ZFHX3: variants seen among roughly 807,000 people sequenced by gnomAD.
ZFHX3 encodes the protein zinc finger homeobox 3.
A neutral mutation model predicts 279.1 loss-of-function variants in ZFHX3; 42 were observed. The observed-to-expected ratio is 0.15, with a 90% CI of 0.12 to 0.19. The LOEUF is 0.19. Ranked by LOEUF, ZFHX3 falls within the 10% of genes least tolerant of loss-of-function variation. The probability of loss-of-function intolerance (pLI) is 1.00; values close to 1 mark genes in which losing one functional copy is unlikely to be tolerated. For missense variants in ZFHX3, 4,981 were observed against 4,754.0 expected (o/e 1.05, Z -1.40); for synonymous variants, 2,293 against 1,957.8 (o/e 1.17, Z -4.52).
At chr16:72,940,108 G>T (rs1482990967) in intron 3 of ZFHX3, among the ~76,000 whole-genome samples, 1 of 151,556 alleles carries the variant, frequency 6.6e-6, no homozygotes, top group Non-Finnish European at 1.5e-5. Context: ...GACAGGGTCT[G>T]TTTATGTTGC....
chr16:73,064,533 C>T (rs1965722912), upstream of ZFHX3, among the ~76,000 whole-genome samples: 1 of 151,672 alleles, frequency 6.6e-6, no homozygotes, highest in Admixed American at 6.6e-5. Flanking sequence ...TTTGAACTCC[C>T]GATTCAAAAG....
At chr16:72,945,107 A>G (rs1046871367) in intron 3 of ZFHX3, among the ~76,000 whole-genome samples, 1 of 152,218 alleles carries the variant, frequency 6.6e-6, no homozygotes, top group Non-Finnish European at 1.5e-5. Context: ...TTGTGCCTAA[A>G]GCCATCGGCT....
At chr16:72,981,680 C>T (rs1381010830) in intron 1 of ZFHX3, among the ~76,000 whole-genome samples, 1 of 151,998 alleles carries the variant, frequency 6.6e-6, no homozygotes, top group African/African-American at 2.4e-5. Flanking sequence ...TGGGCCCATA[C>T]CCACCCCCAA....
chr16:73,607,113 C>A (rs1400412004), intron 2 of ZFHX3, among the ~76,000 whole-genome samples: 1 of 152,234 alleles, frequency 6.6e-6, no homozygotes, highest in African/African-American at 2.4e-5. Flanking sequence ...ACTGCAACCT[C>A]CATCTCCTAG....
intron 7 of ZFHX3, chr16:73,127,143 A>C: frequency 3.0e-6 from 1 of 329,458 alleles, no homozygotes; most frequent in Non-Finnish European, 5.9e-6. Flanking sequence ...GTTTATCTCA[A>C]GTCATTGCCT....
chr16:72,787,916 C>A lies in ZFHX3; in HGVS notation c.10360G>T (p.Asp3454Tyr), dbSNP rs770453754. ...AESKSADSLY[D>Y]PFIVPKVQYK... is the part of the protein sequence containing the mutation. ...TGCACCTTTGGAACAATGAAGGGGT[C>A]GTAGAGGGAGTCCGCACTTTTGCTT... The change falls in exon 10 of 10, where the codon GAC becomes TAC. Residue 3454 changes from aspartate to tyrosine, a missense_variant. By Grantham distance (160) the Asp-to-Tyr change is radical (BLOSUM62 -3). Coordinates refer to ENST00000268489, the MANE Select transcript of ZFHX3 (RefSeq NM_006885.4). 6.2e-7 allele frequency: 1 copy of A among 1,614,010 alleles called. No homozygotes were observed. The highest frequency in any genetic ancestry group is 8.5e-7 in the Non-Finnish European group (1 of 1,180,002).
chr16:73,046,378 G>C (rs1049754931), intron 1 of ZFHX3, among the ~76,000 whole-genome samples: 1 of 152,058 alleles, frequency 6.6e-6, no homozygotes, highest in African/African-American at 2.4e-5. Context: ...TTCTTGCTAC[G>C]GCCTTTCTTG....
intron 1 of ZFHX3, among the ~76,000 whole-genome samples, chr16:73,033,277 A>T (rs1964774079): frequency 6.6e-6 from 1 of 152,128 alleles, no homozygotes; most frequent in Admixed American, 6.5e-5. Context: ...GCACCTGGAG[A>T]AAAAGGGGTT....
chr16:73,052,362 C>T (rs1008244261), upstream of ZFHX3, among the ~76,000 whole-genome samples: 26 of 150,938 alleles, frequency 1.7e-4, no homozygotes, highest in Non-Finnish European at 3.1e-4. Flanking sequence ...ATGAAGAATT[C>T]ATTGAGGTTT....
intron 2 of ZFHX3, among the ~76,000 whole-genome samples, chr16:73,577,121 C>A (rs1345562112): frequency 6.6e-6 from 1 of 152,110 alleles, no homozygotes; most frequent in Non-Finnish European, 1.5e-5. Flanking sequence ...GTGAACAGGT[C>A]TCTACCAGCA....
intron 1 of ZFHX3, among the ~76,000 whole-genome samples, chr16:73,731,534 A>T (rs1313068369): frequency 6.6e-6 from 1 of 152,080 alleles, no homozygotes; most frequent in Non-Finnish European, 1.5e-5. Flanking sequence ...TGTTATTGTG[A>T]TCGGAACAAA....
At chr16:73,151,367 G>A (rs1035727951) in intron 5 of ZFHX3, among the ~76,000 whole-genome samples, 6 of 152,202 alleles carry the variant, frequency 3.9e-5, no homozygotes, top group African/African-American at 1.4e-4. Context: ...GTGGGGGTTG[G>A]AGAAGGCTTC....
At chr16:73,514,136 T>C (rs2019480860) in intron 2 of ZFHX3, among the ~76,000 whole-genome samples, 1 of 151,954 alleles carries the variant, frequency 6.6e-6, no homozygotes, top group Admixed American at 6.6e-5. Context: ...TAGTCCCAGC[T>C]ACTTGGGAGG....
intron 1 of ZFHX3, among the ~76,000 whole-genome samples, chr16:73,797,951 C>T (rs181901804): frequency 3.3e-5 from 5 of 151,552 alleles, no homozygotes; most frequent in Non-Finnish European, 5.9e-5. Context: ...GGATTACAGG[C>T]GCTCGCCACT....
chr16:73,299,590 T>C (rs1364724822), intron 4 of ZFHX3, among the ~76,000 whole-genome samples: 1 of 151,968 alleles, frequency 6.6e-6, no homozygotes, highest in Non-Finnish European at 1.5e-5. Context: ...AAAGTAATGA[T>C]CATGAGGAAG....
intron 1 of ZFHX3, among the ~76,000 whole-genome samples, chr16:73,804,913 G>GGGA (rs1160213176): frequency 3.3e-5 from 2 of 60,692 alleles, no homozygotes; most frequent in African/African-American, 1.3e-4. Flanking sequence ...GAGGGAGGGA[G>GGGA]GGGAGGGAGA....
rs57852066 is a variant in ZFHX3 at position 72,995,680 on chromosome 16, G to A, written c.-49-35486C>T. 5.1e-3 allele frequency among the ~76,000 whole-genome samples: 772 copies of A among 152,186 alleles called. 20 individuals are homozygous for A. Among genetic ancestry groups the A allele is most frequent in the Non-Finnish European group, 9.9e-4 (67 of 68,018 alleles). On this transcript the variant is annotated intron_variant, in intron 1 of 9. Transcript: ENST00000268489. The stretch of plus-strand genomic sequence containing the variant: ...GTGTGCAGCAAGAACACGGGAATCC[G>A]CCCACAAACCCCGCGCTGGGTCCTG...
chr16:72,802,184 T>C (rs1465511645), intron 7 of ZFHX3, among the ~76,000 whole-genome samples: 1 of 151,788 alleles, frequency 6.6e-6, no homozygotes, highest in African/African-American at 2.4e-5. Flanking sequence ...ACACTTTAAT[T>C]AGAAAAACTC....
chr16:73,463,348 G>A (rs1203029267), intron 2 of ZFHX3, among the ~76,000 whole-genome samples: 1 of 152,194 alleles, frequency 6.6e-6, no homozygotes, highest in Non-Finnish European at 1.5e-5. Flanking sequence ...CAGTCACACA[G>A]TAGGGATCAG....
Sources: allele counts gnomAD v4.1 joint callset (sites outside exome capture counted in the v4.1 genomes callset), GRCh38; gene constraint gnomAD v4.1.1; transcripts MANE v1.5; gene names NCBI Gene and HGNC (gene_info 2026-07-23, HGNC 2026-07-21).